DGKB: variants seen among roughly 807,000 people sequenced by gnomAD.
DGKB encodes 90 kDa diacylglycerol kinase.
A neutral mutation model predicts 114.3 loss-of-function variants in DGKB; 67 were observed. That is an observed-to-expected ratio of 0.59 (90% confidence interval 0.48 to 0.72). The LOEUF is 0.72. Ranked by LOEUF, DGKB falls within the 30% of genes least tolerant of loss-of-function variation. The pLI, the probability that DGKB is intolerant of heterozygous loss-of-function variation, is 0.00. For synonymous variants in DGKB, 398 were observed against 323.1 expected, an observed-to-expected ratio of 1.23 and a Z score of -2.49; for missense variants, 907 against 975.2, an observed-to-expected ratio of 0.93 and a Z score of 0.93.
chr7:14,925,341 A>C (rs781162714), intron 1 of DGKB, among the ~76,000 whole-genome samples: 1 of 152,212 alleles, frequency 6.6e-6, no homozygotes, highest in Non-Finnish European at 1.5e-5. Context: ...ATCTCCTTTG[A>C]TGAATATCTG....
intron 21 of DGKB, among the ~76,000 whole-genome samples, chr7:14,411,185 C>G (rs531395416): frequency 7.6e-4 from 115 of 152,148 alleles, no homozygotes; most frequent in African/African-American, 2.6e-3. Flanking sequence ...GCTTTGTGTT[C>G]GATGATTTTC....
At chr7:14,200,581 T>A (rs1380182001) in intron 23 of DGKB, among the ~76,000 whole-genome samples, 1 of 152,088 alleles carries the variant, frequency 6.6e-6, no homozygotes, top group African/African-American at 2.4e-5. Flanking sequence ...CTTATACATA[T>A]TGTTTCATAA....
chr7:14,440,102 C>T (rs1324363808), intron 21 of DGKB, among the ~76,000 whole-genome samples: 2 of 152,070 alleles, frequency 1.3e-5, no homozygotes, highest in African/African-American at 4.8e-5. Flanking sequence ...CAGCCCTGAG[C>T]TTCTACAGCC....
intron 2 of DGKB, among the ~76,000 whole-genome samples, chr7:14,789,085 T>C (rs1187549349): frequency 6.6e-6 from 1 of 151,706 alleles, no homozygotes; most frequent in Non-Finnish European, 1.5e-5. Flanking sequence ...GAATTTTTTT[T>C]TTAATTAAAT....
intron 2 of DGKB, among the ~76,000 whole-genome samples, chr7:14,793,307 C>G (rs1840949092): frequency 6.6e-6 from 1 of 152,052 alleles, no homozygotes; most frequent in African/African-American, 2.4e-5. Context: ...AATTGCTCCC[C>G]CGCCAATCCT....
chr7:14,794,638 C>T (rs1244900787), intron 2 of DGKB, among the ~76,000 whole-genome samples: 1 of 152,060 alleles, frequency 6.6e-6, no homozygotes, highest in Non-Finnish European at 1.5e-5. Flanking sequence ...GTCAAAAATC[C>T]AAAGCAGAGC....
At chr7:14,756,165 T>C (rs1045419106) in intron 3 of DGKB, among the ~76,000 whole-genome samples, 13 of 152,058 alleles carry the variant, frequency 8.5e-5, no homozygotes, top group African/African-American at 3.1e-4. Flanking sequence ...GCAGCTATCA[T>C]TATGGAGAAA....
chr7:14,310,607 C>G (rs1393716549), intron 23 of DGKB, among the ~76,000 whole-genome samples: 3 of 152,214 alleles, frequency 2.0e-5, no homozygotes, highest in African/African-American at 7.2e-5. Context: ...CCACAACTCT[C>G]TATCTTTTGC....
chr7:14,207,704 A>G (rs1388748699), intron 23 of DGKB, among the ~76,000 whole-genome samples: 1 of 151,980 alleles, frequency 6.6e-6, no homozygotes, highest in African/African-American at 2.4e-5. Context: ...CTGACTGATA[A>G]ATGTGTCAAA....
At chr7:14,472,486 C>A (rs1259785691) in intron 21 of DGKB, among the ~76,000 whole-genome samples, 1 of 152,130 alleles carries the variant, frequency 6.6e-6, no homozygotes, top group Non-Finnish European at 1.5e-5. Flanking sequence ...ATTGTCCAAT[C>A]TCTAATTAAT....
At position 14,164,012 on chromosome 7, in the gene DGKB, CAAAAA is replaced by C. The variant is rs11288441; in HGVS notation, c.2304+12822_2304+12826del. ...CTCCATCTCAAAAACAAAAAACAAA[CAAAAA>C]AAAAAACAAAATAAAAAACCTCACC... On this transcript the variant is annotated intron_variant, in intron 25 of 25. Coordinates refer to ENST00000402815, the MANE Select transcript of DGKB (RefSeq NM_001350709.2). Among the ~76,000 whole-genome samples the C allele has an allele frequency of 2.8e-4, 41 of 146,484 alleles. 2 individuals are homozygous for C. The highest frequency in any genetic ancestry group is 9.2e-4 in the African/African-American group (37 of 40,084).
chr7:14,158,048 A>C (rs2128221159), intron 25 of DGKB, among the ~76,000 whole-genome samples: 1 of 152,338 alleles, frequency 6.6e-6, no homozygotes. Context: ...TGGCAGCTAT[A>C]AAACCCTGAC....
chr7:14,841,526 AT>A (rs1328288613), intron 1 of DGKB, 76 bp from the exon 2 acceptor site: 3 of 336,976 alleles, frequency 8.9e-6, no homozygotes, highest in Non-Finnish European at 1.6e-5. Context: ...AAGGTGTTGA[AT>A]GTTAAATACT....
chr7:14,189,266 A>C (rs116553219), intron 23 of DGKB, among the ~76,000 whole-genome samples: 1,787 of 152,332 alleles, frequency 0.012, 28 homozygotes, highest in African/African-American at 0.041. Context: ...AGTGAACAAA[A>C]GTATAAATTT....
intron 5 of DGKB, among the ~76,000 whole-genome samples, chr7:14,735,559 A>G (rs1483841342): frequency 1.3e-5 from 2 of 152,210 alleles, no homozygotes; most frequent in African/African-American, 4.8e-5. Flanking sequence ...CCATAATGAG[A>G]GAATCACCAT....
chr7:14,627,760 G>T (rs897304144), intron 14 of DGKB, among the ~76,000 whole-genome samples: 1 of 151,880 alleles, frequency 6.6e-6, no homozygotes, highest in Non-Finnish European at 1.5e-5. Context: ...TGGCCAACAT[G>T]GTGAAACCTC....
intron 15 of DGKB, 137 bp from the exon 16 acceptor site, chr7:14,613,550 TGTGTGTGA>T: frequency 1.7e-6 from 1 of 572,184 alleles, no homozygotes; most frequent in East Asian, 3.0e-5. Context: ...TGTGTGCATG[TGTGTGTGA>T]GTGTGTGCGT....
At chr7:14,906,379 C>T (rs10235894), upstream of DGKB, among the ~76,000 whole-genome samples, 5,814 of 151,316 alleles carry the variant, frequency 0.038, 336 homozygotes, top group African/African-American at 0.13. Context: ...TGAGAGACAG[C>T]ACTTAAACTG....
intron 20 of DGKB, among the ~76,000 whole-genome samples, chr7:14,551,881 C>T (rs1298922252): frequency 3.3e-5 from 5 of 152,044 alleles, no homozygotes; most frequent in African/African-American, 9.7e-5. Context: ...TGCAATCTGT[C>T]TCACAGTGAG....
Sources: allele counts gnomAD v4.1 joint callset (sites outside exome capture counted in the v4.1 genomes callset), GRCh38; gene constraint gnomAD v4.1.1; transcripts MANE v1.5; gene names NCBI Gene and HGNC (gene_info 2026-07-23, HGNC 2026-07-21).